The following FBXL17 variants were observed in gnomAD, a reference collection of about 807,000 sequenced individuals.
FBXL17 encodes F-box/LRR-repeat protein 17.
Under a neutral mutation model 66.2 loss-of-function variants are expected in FBXL17, and 22 were observed. The observed-to-expected ratio is 0.33, with a 90% confidence interval of 0.24 to 0.47. The LOEUF (loss-of-function observed/expected upper bound fraction) is 0.47. Among genes scored for constraint, FBXL17 ranks in the 20% least tolerant of loss-of-function variants. The pLI is 1.00. For missense variants in FBXL17, 878 were observed against 948.2 expected (o/e 0.93, Z 0.97); for synonymous variants, 474 against 400.5 (o/e 1.18, Z -2.19).
At chr5:108,213,581 C>T (rs759225421) in intron 5 of FBXL17, among the ~76,000 whole-genome samples, 13 of 152,132 alleles carry the variant, frequency 8.5e-5, no homozygotes, top group Non-Finnish European at 1.5e-4. Flanking sequence ...TGAGGCAATG[C>T]CCCACCCTGC....
chr5:108,361,567 GA>G (rs1352482058), intron 3 of FBXL17, among the ~76,000 whole-genome samples: 1 of 152,062 alleles, frequency 6.6e-6, no homozygotes, highest in Non-Finnish European at 1.5e-5. Flanking sequence ...TCTATACACT[GA>G]GGCTGATTGT....
At chr5:108,269,339 T>A (rs1441049293) in intron 4 of FBXL17, among the ~76,000 whole-genome samples, 1 of 152,090 alleles carries the variant, frequency 6.6e-6, no homozygotes, top group Non-Finnish European at 1.5e-5. Context: ...TACACTGTTA[T>A]GCAAGCGTTC....
chr5:107,866,114 C>A (rs970105032), intron 8 of FBXL17, among the ~76,000 whole-genome samples: 1 of 151,804 alleles, frequency 6.6e-6, no homozygotes, highest in Non-Finnish European at 1.5e-5. Flanking sequence ...TCCCCATGAT[C>A]CCTGGTTTTC....
At chr5:108,207,102 TAAC>T (rs1356203794) in intron 5 of FBXL17, among the ~76,000 whole-genome samples, 1 of 152,150 alleles carries the variant, frequency 6.6e-6, no homozygotes. Flanking sequence ...AGAACAATTA[TAAC>T]AATATGCTGT....
At chr5:107,957,870 T>C (rs1393621335) in intron 7 of FBXL17, among the ~76,000 whole-genome samples, 1 of 152,176 alleles carries the variant, frequency 6.6e-6, no homozygotes, top group South Asian at 2.1e-4. Flanking sequence ...CCATTTTCCA[T>C]GTTCACAGAG....
At chr5:108,250,772 T>C (rs2150112868) in intron 4 of FBXL17, among the ~76,000 whole-genome samples, 1 of 152,242 alleles carries the variant, frequency 6.6e-6, no homozygotes, top group African/African-American at 2.4e-5. Context: ...ATAAATTGTT[T>C]AATGCAAATG....
intron 6 of FBXL17, among the ~76,000 whole-genome samples, chr5:108,065,945 C>T (rs1692925472): frequency 2.0e-5 from 3 of 152,030 alleles, no homozygotes; most frequent in Non-Finnish European, 4.4e-5. Context: ...AAACAAAACC[C>T]CCAAAACTAA....
chr5:108,335,514 T>C (rs1262962736), intron 4 of FBXL17, among the ~76,000 whole-genome samples: 1 of 152,050 alleles, frequency 6.6e-6, no homozygotes, highest in Non-Finnish European at 1.5e-5. Context: ...GGGTAAGCAC[T>C]AAGGTGATTA....
chr5:108,299,314 A>G, intron 4 of FBXL17: 2 of 984,718 alleles, frequency 2.0e-6, no homozygotes, highest in Admixed American at 6.2e-5. Flanking sequence ...TCACCCACCC[A>G]TCTCCCTACC....
chr5:108,189,267 T>C (rs1396086787), intron 5 of FBXL17, among the ~76,000 whole-genome samples: 2 of 141,744 alleles, frequency 1.4e-5, no homozygotes, highest in African/African-American at 2.5e-5. Context: ...CAAGCTCATG[T>C]AGTTGCTGGA....
chr5:108,150,440 G>GT (rs1156335437), intron 6 of FBXL17, among the ~76,000 whole-genome samples: 1 of 152,152 alleles, frequency 6.6e-6, no homozygotes, highest in East Asian at 1.9e-4. Context: ...CTGAGCTCAA[G>GT]TAATCCTCTG....
intron 3 of FBXL17, among the ~76,000 whole-genome samples, chr5:108,350,901 T>C (rs1232355450): frequency 1.3e-5 from 2 of 152,178 alleles, no homozygotes; most frequent in African/African-American, 4.8e-5. Flanking sequence ...TAACAGAAGA[T>C]CTAACCCAAC....
chr5:107,926,177 T>C (rs1181699286), intron 7 of FBXL17, among the ~76,000 whole-genome samples: 1 of 152,182 alleles, frequency 6.6e-6, no homozygotes, highest in Admixed American at 6.5e-5. Flanking sequence ...ATATGTTGCA[T>C]AAATCCAATT....
At chr5:108,220,184 T>C (rs1370308240) in intron 5 of FBXL17, among the ~76,000 whole-genome samples, 1 of 152,026 alleles carries the variant, frequency 6.6e-6, no homozygotes, top group Non-Finnish European at 1.5e-5. Context: ...TTATTTAGGA[T>C]TGAATGCATA....
intron 4 of FBXL17, among the ~76,000 whole-genome samples, chr5:108,294,491 A>G (rs1687258731): frequency 6.6e-6 from 1 of 151,948 alleles, no homozygotes; most frequent in African/African-American, 2.4e-5. Context: ...CATTATAAAT[A>G]TTTTTATGAA....
chr5:108,297,037 C>T lies in FBXL17; in HGVS notation c.1506+51362G>A, dbSNP rs571998241. 3.3e-5 allele frequency among the ~76,000 whole-genome samples: 5 copies of T among 151,300 alleles called. 2 individuals are homozygous for T. Among genetic ancestry groups the T allele is most frequent in the African/African-American group, 1.2e-4 (5 of 41,410 alleles). On this transcript the variant is annotated intron_variant, in intron 4 of 8. Coordinates refer to ENST00000542267, the MANE Select transcript of FBXL17 (RefSeq NM_001163315.3). ...TAGCATCATTTTCTGAAATAATAAA[C>T]CTAGCATGCATAGGTAACAATATAT...
At chr5:108,350,790 A>G (rs1747594698) in intron 3 of FBXL17, among the ~76,000 whole-genome samples, 1 of 152,232 alleles carries the variant, frequency 6.6e-6, no homozygotes, top group African/African-American at 2.4e-5. Context: ...ACAAGTTATC[A>G]AAAGATTTAC....
chr5:108,302,895 C>G (rs1328383634), intron 4 of FBXL17, among the ~76,000 whole-genome samples: 1 of 151,698 alleles, frequency 6.6e-6, no homozygotes, highest in Non-Finnish European at 1.5e-5. Context: ...CAAAAAGTCA[C>G]AAATAATGAA....
intron 3 of FBXL17, among the ~76,000 whole-genome samples, chr5:108,364,384 T>C (rs10054265): frequency 1.6e-3 from 247 of 152,086 alleles, no homozygotes; most frequent in African/African-American, 5.8e-3. Context: ...ATGTATGTCA[T>C]CTAGTATAAT....
Sources: gnomAD v4.1 joint callset for allele counts (sites outside exome capture counted in the v4.1 genomes callset) on GRCh38, gnomAD v4.1.1 for gene constraint, MANE v1.5 for transcripts, NCBI Gene and HGNC (gene_info 2026-07-23, HGNC 2026-07-21) for gene names.